The following XKR6 variants were observed in gnomAD, a reference collection of about 807,000 sequenced individuals.
The protein encoded by XKR6 is XK related 6, also known as XK-related protein 6.
XKR6 carries 22 observed loss-of-function variants against 56.7 expected under a neutral mutation model. That is an observed-to-expected ratio of 0.39 (90% CI 0.28 to 0.55). The LOEUF (loss-of-function observed/expected upper bound fraction) is 0.55. XKR6 is among the 20% of genes least tolerant of loss of function. The pLI, the probability that XKR6 is intolerant of heterozygous loss-of-function variation, is 0.66. For synonymous variants in XKR6, 524 were observed against 387.8 expected (o/e 1.35, Z -4.13); for missense variants, 852 against 889.0 (o/e 0.96, Z 0.53).
Position 10,952,757 on chromosome 8 carries a change from T to C in XKR6, c.765-27927A>G, listed in dbSNP as rs1801763899. ...TTGGATCACGGGGGCGGATCCTTCA[T>C]GAATGAACCTGAGCCTCCTCTTAGC... On this transcript the variant is annotated intron_variant, in intron 1 of 2. Coordinates refer to ENST00000416569, the MANE Select transcript of XKR6 (RefSeq NM_173683.4). Among the ~76,000 whole-genome samples the C allele has an allele frequency of 2.0e-5, 3 of 152,318 alleles. No individual in the cohort carries two copies. The South Asian group carries it at 6.2e-4, about 32-fold the overall frequency.
In XKR6 at chr8:11,008,418, C is replaced by CTTTTT. The variant is rs35571220; in HGVS notation, c.765-83593_765-83589dup. On this transcript the variant is annotated intron_variant, in intron 1 of 2. Coordinates refer to ENST00000416569, the MANE Select transcript of XKR6 (RefSeq NM_173683.4). The stretch of plus-strand genomic sequence containing the variant: ...CATCCCCTAAAGGGGGCTCCCCAGG[C>CTTTTT]TTTTTTTTTTTTTTTTTTTTTTGAC... Among the ~76,000 whole-genome samples, 68 of 104,146 alleles carry CTTTTT rather than the reference C, an allele frequency of 6.5e-4. 2 individuals carry two copies. The highest frequency in any genetic ancestry group is 1.7e-3 in the African/African-American group (42 of 25,364). The allele number at this position is 104,146 out of a possible 152,430, so 68.3% of individuals were successfully genotyped here.
rs182056094 is a variant in XKR6, at chr8:11,142,802, C to G, written c.764+57774G>C. ...GTATTTCTTTATAGCAACACAAGAA[C>G]AGCCTAATACATCAATGATGGAACA... On this transcript the variant is annotated intron_variant, in intron 1 of 2. Transcript: ENST00000416569. 1.2e-3 allele frequency among the ~76,000 whole-genome samples: 179 copies of G among 152,286 alleles called. 1 individual carries two copies. The highest frequency in any genetic ancestry group is 2.8e-3 in the Admixed American group (43 of 15,308).
intron 2 of XKR6, among the ~76,000 whole-genome samples, chr8:10,902,670 AC>A (rs1372020012): frequency 6.6e-6 from 1 of 152,166 alleles, no homozygotes; most frequent in Non-Finnish European, 1.5e-5. Context: ...TATCCTTGAC[AC>A]TGTGAAATGC....
chr8:10,917,751 T>A (rs991106492), intron 2 of XKR6, among the ~76,000 whole-genome samples: 1 of 152,188 alleles, frequency 6.6e-6, no homozygotes, highest in African/African-American at 2.4e-5. Flanking sequence ...ACATGCACCA[T>A]ATTGGAAATG....
intron 1 of XKR6, among the ~76,000 whole-genome samples, chr8:11,191,117 G>A (rs1443795466): frequency 1.3e-5 from 2 of 152,122 alleles, no homozygotes; most frequent in East Asian, 3.8e-4. Context: ...AAATGAACAC[G>A]AAGCTTAAAC....
At chr8:11,073,899 G>T (rs1006621407) in intron 1 of XKR6, among the ~76,000 whole-genome samples, 1 of 152,190 alleles carries the variant, frequency 6.6e-6, no homozygotes, top group Non-Finnish European at 1.5e-5. Context: ...TACCCACTCA[G>T]TGGGCTGGGA....
chr8:11,065,045 C>T (rs757665939), intron 1 of XKR6, among the ~76,000 whole-genome samples: 2 of 152,094 alleles, frequency 1.3e-5, no homozygotes, highest in Non-Finnish European at 2.9e-5. Context: ...TATGACACAG[C>T]ATAAAATTTA....
intron 1 of XKR6, among the ~76,000 whole-genome samples, chr8:11,069,469 C>G (rs562617201): frequency 4.6e-5 from 7 of 152,300 alleles, no homozygotes; most frequent in Admixed American, 2.0e-4. Flanking sequence ...GTCATACAGG[C>G]TTCAGCTCAC....
In XKR6 at chr8:11,138,004, C is replaced by G. The variant is rs117163074; in HGVS notation, c.764+62572G>C. Reference sequence around the variant, plus strand: ...TGAAGCCGTCAGCAACCCCTTCTACCTCGGAAGACATCAGAGCAGAAGGGT... The same window carrying G: ...TGAAGCCGTCAGCAACCCCTTCTACGTCGGAAGACATCAGAGCAGAAGGGT... On this transcript the variant is annotated intron_variant, in intron 1 of 2. Coordinates refer to ENST00000416569, the MANE Select transcript of XKR6 (RefSeq NM_173683.4). The G allele has an allele frequency of 5.0e-3, 1,550 of 308,222 alleles. 43 individuals carry two copies. In the East Asian group the frequency reaches 0.056, roughly 11 times the overall value. 19.1% of individuals were successfully genotyped at this position (308,222 alleles called of 1,614,324 possible).
chr8:11,004,195 C>T (rs930871611), intron 1 of XKR6, among the ~76,000 whole-genome samples: 1 of 152,140 alleles, frequency 6.6e-6, no homozygotes, highest in Non-Finnish European at 1.5e-5. Context: ...CCTGTGGGGC[C>T]GGGCGTGGTG....
intron 2 of XKR6, among the ~76,000 whole-genome samples, chr8:10,914,776 C>T (rs1800507293): frequency 6.6e-6 from 1 of 152,188 alleles, no homozygotes; most frequent in Admixed American, 6.5e-5. Flanking sequence ...TGGGGCAGGC[C>T]AGGCTGTGGA....
intron 1 of XKR6, among the ~76,000 whole-genome samples, chr8:10,929,765 C>T (rs1801003458): frequency 6.6e-6 from 1 of 152,188 alleles, no homozygotes; most frequent in Non-Finnish European, 1.5e-5. Context: ...TAAGACCATG[C>T]CTGTGAGCAC....
chr8:11,199,646 G>A (rs1231248300), intron 1 of XKR6, among the ~76,000 whole-genome samples: 3 of 152,278 alleles, frequency 2.0e-5, no homozygotes, highest in African/African-American at 7.2e-5. Context: ...GGTGTGAATG[G>A]GTTCATTTCC....
intron 1 of XKR6, among the ~76,000 whole-genome samples, chr8:11,127,619 C>G (rs1799876235): frequency 6.6e-6 from 1 of 152,184 alleles, no homozygotes; most frequent in Admixed American, 6.5e-5. Context: ...TCAAACCTCT[C>G]TCTAGTTCTG....
chr8:11,179,465 A>C (rs1306626728), intron 1 of XKR6, among the ~76,000 whole-genome samples: 1 of 152,136 alleles, frequency 6.6e-6, no homozygotes, highest in Non-Finnish European at 1.5e-5. Flanking sequence ...GGCTATTCTC[A>C]AGGTACTATC....
intron 1 of XKR6, among the ~76,000 whole-genome samples, chr8:11,032,803 G>C (rs17779093): frequency 0.14 from 21,729 of 152,222 alleles, 1,761 homozygotes; most frequent in Middle Eastern, 0.19. Flanking sequence ...CAAGGCTCCT[G>C]AGAAGACTAA....
intron 1 of XKR6, among the ~76,000 whole-genome samples, chr8:10,939,351 G>A (rs1268958249): frequency 1.3e-5 from 2 of 152,206 alleles, no homozygotes; most frequent in Non-Finnish European, 2.9e-5. Flanking sequence ...CAGTGACTGA[G>A]AGGAACACTC....
At chr8:10,957,641 C>T (rs1394553116) in intron 1 of XKR6, among the ~76,000 whole-genome samples, 1 of 152,214 alleles carries the variant, frequency 6.6e-6, no homozygotes, top group Admixed American at 6.5e-5. Flanking sequence ...CTTCCGCCTG[C>T]CAAGAGCCGC....
chr8:10,956,202 TAC>T (rs1294161906), intron 1 of XKR6, among the ~76,000 whole-genome samples: 2 of 152,178 alleles, frequency 1.3e-5, no homozygotes, highest in Non-Finnish European at 2.9e-5. Flanking sequence ...CTCTTCCTCT[TAC>T]AGTTTTCTAG....
Sources: gnomAD v4.1 joint callset for allele counts (sites outside exome capture counted in the v4.1 genomes callset) on GRCh38, gnomAD v4.1.1 for gene constraint, MANE v1.5 for transcripts, NCBI Gene and HGNC (gene_info 2026-07-23, HGNC 2026-07-21) for gene names.